Variants in JAK2 observed in about 807,000 individuals in gnomAD.
The protein encoded by JAK2 is tyrosine-protein kinase JAK2.
A neutral mutation model predicts 139.3 loss-of-function variants in JAK2; 86 were observed. That is an observed-to-expected ratio of 0.62 (90% CI 0.52 to 0.74). JAK2 has a LOEUF of 0.74. JAK2 is among the 30% of genes least tolerant of loss of function. The pLI is 0.00. For missense variants in JAK2, 1,421 were observed against 1,360.3 expected (o/e 1.04, Z -0.70); for synonymous variants, 490 against 437.7 (o/e 1.12, Z -1.49).
intron 22 of JAK2, chr9:5,094,246 G>A (rs10117501): frequency 0.33 from 50,068 of 151,924 alleles, 8,487 homozygotes; most frequent in African/African-American, 0.42. Context: ...CTTTTCACCA[G>A]AGAACCCTTA....
intron 14 of JAK2, among the ~76,000 whole-genome samples, chr9:5,074,882 G>A (rs1014539789): frequency 6.6e-6 from 1 of 152,150 alleles, no homozygotes; most frequent in African/African-American, 2.4e-5. Flanking sequence ...TGAAAGCTAG[G>A]CCTCTTGCAC....
At position 4,995,923 on chromosome 9, in the gene JAK2, C is replaced by A. The variant is rs144934570; in HGVS notation, c.-26+9901C>A. 5.8e-3 allele frequency among the ~76,000 whole-genome samples: 876 copies of A among 152,030 alleles called. 6 individuals carry two copies. Among genetic ancestry groups the A allele is most frequent in the Non-Finnish European group, 9.7e-3 (660 of 67,980 alleles). ...AATGGGCATTTGCTAACTTATGTGT[C>A]TGCTCTTATTAGTCTATTTTTGGCC... On this transcript the variant is annotated intron_variant, in intron 2 of 24. Transcript: ENST00000381652.
At chr9:5,116,228 T>TA (rs1823165340) in intron 22 of JAK2, among the ~76,000 whole-genome samples, 1 of 152,210 alleles carries the variant, frequency 6.6e-6, no homozygotes, top group Admixed American at 6.5e-5. Context: ...GCATGACTAG[T>TA]AAATCACTGG....
chr9:5,022,906 A>G (rs909931735), intron 3 of JAK2, among the ~76,000 whole-genome samples: 1 of 152,242 alleles, frequency 6.6e-6, no homozygotes, highest in Non-Finnish European at 1.5e-5. Context: ...AGGCAAATTA[A>G]ATGTCTAATA....
intron 4 of JAK2, among the ~76,000 whole-genome samples, chr9:5,038,284 A>G (rs1816217680): frequency 6.6e-6 from 1 of 152,200 alleles, no homozygotes; most frequent in Non-Finnish European, 1.5e-5. Flanking sequence ...ATGACAAATA[A>G]AGAAATCAAA....
intron 4 of JAK2, chr9:5,041,642 C>T (rs1279847333): frequency 4.0e-6 from 2 of 502,098 alleles, no homozygotes; most frequent in Admixed American, 2.3e-5. Flanking sequence ...TTGAGAAGCT[C>T]GACTACGACT....
At chr9:5,033,641 A>C (rs960649911) in intron 4 of JAK2, among the ~76,000 whole-genome samples, 1 of 152,198 alleles carries the variant, frequency 6.6e-6, no homozygotes, top group African/African-American at 2.4e-5. Context: ...AGCCAAACTA[A>C]GCTTCATATG....
chr9:4,990,569 G>A (rs1563909086), intron 2 of JAK2, among the ~76,000 whole-genome samples: 1 of 151,918 alleles, frequency 6.6e-6, no homozygotes, highest in Non-Finnish European at 1.5e-5. Context: ...CATAATTAGC[G>A]GGTGGGTGAA....
At chr9:5,034,757 A>T (rs555688834) in intron 4 of JAK2, among the ~76,000 whole-genome samples, 3 of 152,308 alleles carry the variant, frequency 2.0e-5, no homozygotes, top group Admixed American at 2.0e-4. Context: ...AGGGAAATTT[A>T]TAGCACTAAA....
At chr9:5,026,780 G>T (rs1470144177) in intron 3 of JAK2, among the ~76,000 whole-genome samples, 1 of 152,142 alleles carries the variant, frequency 6.6e-6, no homozygotes, top group Non-Finnish European at 1.5e-5. Context: ...TTATTTACTT[G>T]TGTGGTTTAG....
At chr9:5,073,094 A>G (rs995918628) in intron 13 of JAK2, among the ~76,000 whole-genome samples, 21 of 152,170 alleles carry the variant, frequency 1.4e-4, no homozygotes, top group Non-Finnish European at 2.6e-4. Flanking sequence ...ACATAGCAAG[A>G]TATGATACTT....
intron 2 of JAK2, among the ~76,000 whole-genome samples, chr9:4,989,960 G>T (rs1043341253): frequency 1.3e-4 from 20 of 152,186 alleles, no homozygotes; most frequent in Non-Finnish European, 2.2e-4. Flanking sequence ...GAAAGAGTTT[G>T]CTGAAATAAG....
chr9:5,077,665 T>A (rs1819398680), intron 15 of JAK2, 85 bp downstream of exon 15: 1 of 857,546 alleles, frequency 1.2e-6, no homozygotes, highest in Non-Finnish European at 1.7e-6. Context: ...AAACAAAAAA[T>A]AAATCTGTAA....
chr9:5,122,771 A>G (rs1823710062), intron 22 of JAK2, among the ~76,000 whole-genome samples: 1 of 152,052 alleles, frequency 6.6e-6, no homozygotes, highest in South Asian at 2.1e-4. Flanking sequence ...GTTTGTACAA[A>G]CAATCTAGGC....
chr9:5,113,867 C>G (rs1488568836), intron 22 of JAK2: 4 of 209,368 alleles, frequency 1.9e-5, no homozygotes, highest in Non-Finnish European at 3.9e-5. Context: ...AGGGACTTCA[C>G]CCTCCCCACC....
chr9:5,089,314 G>T (rs1820377422), intron 19 of JAK2, among the ~76,000 whole-genome samples: 1 of 152,050 alleles, frequency 6.6e-6, no homozygotes, highest in Non-Finnish European at 1.5e-5. Context: ...CGAGTTGGGT[G>T]GATCACCAGG....
At chr9:5,100,570 T>C (rs1236108219) in intron 22 of JAK2, 2 of 152,248 alleles carry the variant, frequency 1.3e-5, no homozygotes, top group Admixed American at 1.3e-4. Context: ...ATGCCAGAAT[T>C]AGGAGGACAC....
At chr9:5,096,295 C>G (rs1335543566) in intron 22 of JAK2, among the ~76,000 whole-genome samples, 1 of 152,160 alleles carries the variant, frequency 6.6e-6, no homozygotes, top group Non-Finnish European at 1.5e-5. Flanking sequence ...CAGGGACCTT[C>G]AAAACCCTTA....
At chr9:5,120,573 C>G (rs1253000127) in intron 22 of JAK2, among the ~76,000 whole-genome samples, 1 of 152,114 alleles carries the variant, frequency 6.6e-6, no homozygotes, top group Non-Finnish European at 1.5e-5. Flanking sequence ...TGTAAAAAAT[C>G]GGTGAAACAG....
Sources: gnomAD v4.1 joint callset for allele counts (sites outside exome capture counted in the v4.1 genomes callset) on GRCh38, gnomAD v4.1.1 for gene constraint, MANE v1.5 for transcripts, NCBI Gene and HGNC (gene_info 2026-07-23, HGNC 2026-07-21) for gene names.